PCDHGA6: variants seen among roughly 807,000 people sequenced by gnomAD.
PCDHGA6 encodes the protein protocadherin gamma subfamily A, 6.
PCDHGA6 carries 41 observed loss-of-function variants against 60.6 expected under a neutral mutation model. The observed-to-expected ratio is 0.68, with a 90% CI of 0.53 to 0.88. The LOEUF (loss-of-function observed/expected upper bound fraction) is 0.88, where lower values mean the gene tolerates loss of function less well. Ranked by LOEUF, PCDHGA6 falls within the 40% of genes least tolerant of loss-of-function variation. PCDHGA6 has a pLI of 0.00. For missense variants in PCDHGA6, 1,312 were observed against 1,203.0 expected (o/e 1.09, Z -1.34); for synonymous variants, 594 against 524.4 (o/e 1.13, Z -1.81).
At position 141,487,063 on chromosome 5, in the gene PCDHGA6, G is replaced by T; in HGVS notation, c.2425-7744G>T. The T allele has an allele frequency of 6.2e-7, 1 of 1,614,086 alleles. No homozygotes were observed. ...CTCGATATGCTGGGGAGGTGCGGACGGCTGTTCCTATCCCAGCTGACCTCC... is the reference window on the plus strand; with the variant it reads ...CTCGATATGCTGGGGAGGTGCGGACTGCTGTTCCTATCCCAGCTGACCTCC... On this transcript the variant is annotated intron_variant, in intron 1 of 3. Coordinates refer to ENST00000517434, the MANE Select transcript of PCDHGA6 (RefSeq NM_018919.3). The surrounding 1 kb of genome is among the most constrained non-coding windows in gnomAD (Gnocchi z 5.0).
At chr5:141,427,901 G>T in intron 1 of PCDHGA6, 1 of 1,572,232 alleles carries the variant, frequency 6.4e-7, no homozygotes. Flanking sequence ...GCTCGCCCGC[G>T]CTCAGCGCCA....
At chr5:141,381,990 C>T (rs1182122495) in intron 1 of PCDHGA6, among the ~76,000 whole-genome samples, 1 of 151,686 alleles carries the variant, frequency 6.6e-6, no homozygotes, top group Middle Eastern at 3.4e-3. Flanking sequence ...CCACCACGCC[C>T]GGATAATTTT....
At chr5:141,378,377 G>A (rs1488267882) in intron 1 of PCDHGA6, 1 of 152,208 alleles carries the variant, frequency 6.6e-6, no homozygotes, top group African/African-American at 2.4e-5. Flanking sequence ...ACAAAAATTA[G>A]CCAGGTGGGG....
In PCDHGA6 at chr5:141,512,848, G is replaced by C. The variant is rs1362051688; in HGVS notation, c.*1675G>C. The C allele has an allele frequency of 6.6e-6, 1 of 152,216 alleles. No individual in the cohort carries two copies. 9.4% of individuals were successfully genotyped at this position (152,216 alleles called of 1,614,324 possible). ...CCCCGTACTGACTTCTCCTATAAGC[G>C]CTTCTCTTCGCATAGTCACGTAGCT... On this transcript the variant is annotated 3_prime_UTR_variant, in exon 4 of 4. Transcript: ENST00000517434.
intron 1 of PCDHGA6, chr5:141,413,323 G>A (rs1221252167): frequency 2.5e-6 from 4 of 1,613,840 alleles, no homozygotes; most frequent in Non-Finnish European, 3.4e-6. Flanking sequence ...CTCTTTCGTG[G>A]GCAACATCTC....
chr5:141,485,632 G>T lies in PCDHGA6; in HGVS notation c.2425-9175G>T. The T allele has an allele frequency of 6.2e-7, 1 of 1,611,766 alleles. No homozygotes were observed. Among genetic ancestry groups the T allele is most frequent in the Non-Finnish European group, 8.5e-7 (1 of 1,178,342 alleles). The stretch of plus-strand genomic sequence containing the variant: ...CAGCTCCTCCAGGACAGCGTTTCCC[G>T]TTGGAAAAGGCTCAGGATGCAGATG... On this transcript the variant is annotated intron_variant, in intron 1 of 3. Coordinates refer to ENST00000517434, the MANE Select transcript of PCDHGA6 (RefSeq NM_018919.3). This position sits in a 1 kb window ranked among gnomAD's most constrained non-coding sequence, Gnocchi z 5.7.
rs1296142784 is a variant in PCDHGA6 at position 141,431,302 on chromosome 5, C to T, written c.2424+54795C>T. ...GCCCGAACACTCACTTCTCCCTCAT[C>T]GTGCAAAATGGAGCCGACGGTAGTA... is the stretch of plus-strand genomic sequence containing the variant. On this transcript the variant is annotated intron_variant, in intron 1 of 3. Coordinates refer to ENST00000517434, the MANE Select transcript of PCDHGA6 (RefSeq NM_018919.3). This position sits in a 1 kb window ranked among gnomAD's most constrained non-coding sequence, Gnocchi z 4.8. 2 of 1,614,028 alleles carry T rather than the reference C, an allele frequency of 1.2e-6. No individual in the cohort carries two copies. Among genetic ancestry groups the T allele is most frequent in the African/African-American group, 1.3e-5 (1 of 74,946 alleles).
intron 1 of PCDHGA6, among the ~76,000 whole-genome samples, chr5:141,451,001 A>AT (rs1164946963): frequency 2.0e-5 from 3 of 148,376 alleles, no homozygotes; most frequent in South Asian, 2.1e-4. Context: ...ATTTTTTTGT[A>AT]TTTTTTTTAG....
Position 141,491,004 on chromosome 5 carries a change from G to T in PCDHGA6, c.2425-3803G>T. ...CTCGCTCTGCTCCTCCTGGCTCCTT[G>T]GTCACCAAGGTGACAGCCGTGGATG... On this transcript the variant is annotated intron_variant, in intron 1 of 3. Transcript: ENST00000517434. The surrounding 1 kb of genome is among the most constrained non-coding windows in gnomAD (Gnocchi z 6.9). The T allele has an allele frequency of 6.2e-7, 1 of 1,614,024 alleles. No individual in the cohort carries two copies. Among genetic ancestry groups the T allele is most frequent in the Non-Finnish European group, 8.5e-7 (1 of 1,180,026 alleles).
In PCDHGA6 at chr5:141,374,832, G is replaced by C; in HGVS notation, c.749G>C (p.Ser250Thr). The stretch of plus-strand genomic sequence containing the variant: ...TTTACTCAGCCTGTCTACCGTGTAA[G>C]TGTTCCTGAAAACCTGCCAGTAGGC... ...PMFTQPVYRV[S>T]VPENLPVGTP... Residue 250 changes from serine to threonine, a missense_variant, in exon 1 of 4, where the codon AGT becomes ACT. By Grantham distance (58) the Ser-to-Thr change is moderately conservative. Coordinates refer to ENST00000517434, the MANE Select transcript of PCDHGA6 (RefSeq NM_018919.3). 8.1e-6 allele frequency: 13 copies of C among 1,613,908 alleles called. No homozygotes were observed. Among genetic ancestry groups the C allele is most frequent in the Non-Finnish European group, 1.1e-5 (13 of 1,179,904 alleles).
In PCDHGA6 at chr5:141,435,253, G is replaced by A. The variant is rs2097754974; in HGVS notation, c.2424+58746G>A. Among the ~76,000 whole-genome samples the A allele has an allele frequency of 1.3e-5, 2 of 152,064 alleles. 1 individual carries two copies. The highest frequency in any genetic ancestry group is 3.9e-4 in the East Asian group (2 of 5,184). On this transcript the variant is annotated intron_variant, in intron 1 of 3. Transcript: ENST00000517434. ...TTCAGTAATTCTTTCTGGCCATTAG[G>A]GATATGTCCATTTATACTTTCTCAG...
intron 1 of PCDHGA6, chr5:141,398,010 G>A: frequency 7.1e-7 from 1 of 1,408,980 alleles, no homozygotes; most frequent in South Asian, 1.5e-5. Context: ...AAAAAGAATC[G>A]TTTCCTAAAC....
intron 3 of PCDHGA6, 61 bp downstream of exon 3, chr5:141,505,542 A>G (rs2099846540): frequency 6.2e-7 from 1 of 1,604,832 alleles, no homozygotes; most frequent in African/African-American, 1.3e-5. Context: ...GGTGCATCTC[A>G]CAGCCACCAT....
Position 141,405,325 on chromosome 5 carries a change from G to C in PCDHGA6, c.2424+28818G>C, listed in dbSNP as rs17097274. ...AGAGCTGTGAGAAAAATGAGCCTTT[G>C]TGCGTCTCTGTTGATTCCAAGTTTC... On this transcript the variant is annotated intron_variant, in intron 1 of 3. Transcript: ENST00000517434. The C allele has an allele frequency of 9.4e-4, 1,513 of 1,614,170 alleles. 9 individuals are homozygous for C. The African/African-American group carries it at 0.016, about 17-fold the overall frequency.
chr5:141,430,637 G>A (rs2097298854), intron 1 of PCDHGA6: 1 of 890,676 alleles, frequency 1.1e-6, no homozygotes, highest in Admixed American at 2.8e-5. Context: ...ACCATCCCTG[G>A]GAGTATGTGG....
intron 1 of PCDHGA6, among the ~76,000 whole-genome samples, chr5:141,447,023 GT>G (rs5871773): frequency 0.034 from 5,146 of 151,536 alleles, 101 homozygotes; most frequent in Middle Eastern, 0.088. Flanking sequence ...GTTTTGTTTT[GT>G]TTTTTTTCTG....
At position 141,487,505 on chromosome 5, in the gene PCDHGA6, G is replaced by GTA; in HGVS notation, c.2425-7302_2425-7301insTA. The GTA allele has an allele frequency of 1.2e-6, 2 of 1,614,200 alleles. No homozygotes were observed. The highest frequency in any genetic ancestry group is 1.7e-6 in the Non-Finnish European group (2 of 1,180,032). ...TCATGGCTGTACACCCTTGGCTTCTGCACCCACTCGGAGTGATAGCTTCAT... is the reference window on the plus strand; with the variant it reads ...TCATGGCTGTACACCCTTGGCTTCTGTACACCCACTCGGAGTGATAGCTTCAT... On this transcript the variant is annotated intron_variant, in intron 1 of 3. Coordinates refer to ENST00000517434, the MANE Select transcript of PCDHGA6 (RefSeq NM_018919.3). This position sits in a 1 kb window ranked among gnomAD's most constrained non-coding sequence, Gnocchi z 5.0.
chr5:141,491,138 C>T lies in PCDHGA6; in HGVS notation c.2425-3669C>T. The T allele has an allele frequency of 1.2e-6, 2 of 1,614,106 alleles. No individual in the cohort carries two copies. The highest frequency in any genetic ancestry group is 1.7e-6 in the Non-Finnish European group (2 of 1,179,962). On this transcript the variant is annotated intron_variant, in intron 1 of 3. Transcript: ENST00000517434. The surrounding 1 kb of genome is among the most constrained non-coding windows in gnomAD (Gnocchi z 6.9). ...ACTGGTGAGGTGCGCACAGCCCGGG[C>T]CTTACTGGAGGATGACTCTGACACC...
rs1769941634 is a variant in PCDHGA6, at chr5:141,373,903, C to T, written c.-181C>T. ...TCAACGGAAACTCAAGTTACATCCTCCAACAACAAAGCAAATTAGACGGGA... is the reference window on the plus strand; with the variant it reads ...TCAACGGAAACTCAAGTTACATCCTTCAACAACAAAGCAAATTAGACGGGA... On this transcript the variant is annotated 5_prime_UTR_variant, in exon 1 of 4. Coordinates refer to ENST00000517434, the MANE Select transcript of PCDHGA6 (RefSeq NM_018919.3). 1.7e-6 allele frequency: 1 copy of T among 586,370 alleles called. No individual in the cohort carries two copies. The allele number at this position is 586,370 out of a possible 1,614,324, so 36.3% of individuals were successfully genotyped here.
Sources: allele counts gnomAD v4.1 joint callset (sites outside exome capture counted in the v4.1 genomes callset), GRCh38; gene constraint gnomAD v4.1.1; non-coding constraint Gnocchi (gnomAD v3.1); transcripts MANE v1.5; gene names NCBI Gene and HGNC (gene_info 2026-07-23, HGNC 2026-07-21).